HPSE2: variants seen among roughly 807,000 people sequenced by gnomAD.
HPSE2 encodes the protein heparanase 2 (inactive).
HPSE2 carries 38 observed loss-of-function variants against 60.5 expected under a neutral mutation model. The ratio of observed to expected loss-of-function variants is 0.63; its 90% CI spans 0.48 to 0.82. The LOEUF is 0.82. HPSE2 is among the 40% of genes least tolerant of loss of function. The pLI is 0.00. For missense variants in HPSE2, 713 were observed against 740.4 expected, an observed-to-expected ratio of 0.96 and a Z score of 0.43; for synonymous variants, 295 against 293.2, an observed-to-expected ratio of 1.01 and a Z score of -0.06.
chr10:98,640,994 TCA>T (rs910883025), intron 7 of HPSE2, among the ~76,000 whole-genome samples: 1 of 152,186 alleles, frequency 6.6e-6, no homozygotes, highest in Non-Finnish European at 1.5e-5. Flanking sequence ...AGTCTGAGAA[TCA>T]CTGACCAAAG....
intron 3 of HPSE2, among the ~76,000 whole-genome samples, chr10:98,815,248 C>A (rs897881229): frequency 1.3e-5 from 2 of 152,192 alleles, no homozygotes; most frequent in African/African-American, 4.8e-5. Context: ...CACCACTGCA[C>A]TCCAGCCTGG....
intron 4 of HPSE2, among the ~76,000 whole-genome samples, chr10:98,724,533 T>A (rs563101315): frequency 1.3e-5 from 2 of 152,284 alleles, no homozygotes; most frequent in South Asian, 4.1e-4. Flanking sequence ...TAACTTTCTG[T>A]CTTCGTTGAT....
intron 3 of HPSE2, among the ~76,000 whole-genome samples, chr10:98,911,422 G>A (rs1953975686): frequency 1.3e-5 from 2 of 152,174 alleles, no homozygotes. Context: ...CTGTGGGAAA[G>A]CCTCACAAAG....
At chr10:99,144,828 G>C (rs1396582210) in intron 2 of HPSE2, among the ~76,000 whole-genome samples, 1 of 152,154 alleles carries the variant, frequency 6.6e-6, no homozygotes, top group Non-Finnish European at 1.5e-5. Context: ...GCTCCAGCAT[G>C]TGTATTTAGG....
At chr10:98,483,607 A>AGG (rs1941329590) in intron 10 of HPSE2, among the ~76,000 whole-genome samples, 1 of 152,148 alleles carries the variant, frequency 6.6e-6, no homozygotes, top group Non-Finnish European at 1.5e-5. Flanking sequence ...TTCCTGCCCT[A>AGG]CTAAGTGATC....
chr10:98,835,828 A>G (rs370835692), intron 3 of HPSE2, among the ~76,000 whole-genome samples: 1 of 152,176 alleles, frequency 6.6e-6, no homozygotes, highest in Non-Finnish European at 1.5e-5. Context: ...GGGTCCTCAC[A>G]CCTTTTCTTT....
chr10:99,035,100 C>A (rs1957581136), intron 3 of HPSE2, among the ~76,000 whole-genome samples: 1 of 152,092 alleles, frequency 6.6e-6, no homozygotes, highest in African/African-American at 2.4e-5. Flanking sequence ...TAAAGTATTT[C>A]TCTCTTCAAT....
At chr10:99,246,584 T>C in the HPSE2 span, among the ~76,000 whole-genome samples, 1 of 152,022 alleles carries the variant, frequency 6.6e-6, no homozygotes, top group African/African-American at 2.4e-5. Context: ...CCGTCTCTAC[T>C]AAAATACAAA....
chr10:98,619,484 T>G (rs553152139), intron 8 of HPSE2, among the ~76,000 whole-genome samples: 4 of 152,278 alleles, frequency 2.6e-5, no homozygotes, highest in African/African-American at 9.6e-5. Flanking sequence ...CTCCAGATTT[T>G]TTTTCTCTCT....
chr10:99,058,359 T>C (rs1958160537), intron 3 of HPSE2, among the ~76,000 whole-genome samples: 1 of 152,230 alleles, frequency 6.6e-6, no homozygotes, highest in African/African-American at 2.4e-5. Context: ...TCCTCCAAAC[T>C]GAGCCTCTAG....
At chr10:99,057,822 T>C (rs1289474100) in intron 3 of HPSE2, among the ~76,000 whole-genome samples, 1 of 152,230 alleles carries the variant, frequency 6.6e-6, no homozygotes, top group South Asian at 2.1e-4. Context: ...TCTCATGCTA[T>C]CCTTTCCCGC....
the HPSE2 span, among the ~76,000 whole-genome samples, chr10:99,244,032 A>T: frequency 1.6e-3 from 250 of 152,220 alleles, 2 homozygotes; most frequent in African/African-American, 5.7e-3. Flanking sequence ...ACTCCAAAAA[A>T]CTGACTAGCT....
the HPSE2 span, among the ~76,000 whole-genome samples, chr10:99,308,398 G>GAAAAAAAAAAAAAAAA: frequency 5.3e-5 from 3 of 56,462 alleles, no homozygotes; most frequent in Admixed American, 1.5e-4. Context: ...AAAAAAAAAG[G>GAAAAAAAAAAAAAAAA]AAACCATCAA....
chr10:99,072,333 C>A (rs1209769032), intron 3 of HPSE2, among the ~76,000 whole-genome samples: 1 of 118,450 alleles, frequency 8.4e-6, no homozygotes. Context: ...TTTTGCACAG[C>A]AAAAGAAACT....
At chr10:99,145,451 G>C (rs1280061478) in intron 2 of HPSE2, among the ~76,000 whole-genome samples, 4 of 148,480 alleles carry the variant, frequency 2.7e-5, no homozygotes, top group Admixed American at 1.3e-4. Flanking sequence ...GGGAGACTCT[G>C]TCTTAAAAAA....
intron 4 of HPSE2, among the ~76,000 whole-genome samples, chr10:98,736,212 G>GGT (rs1554981130): frequency 4.2e-5 from 2 of 47,296 alleles, no homozygotes; most frequent in Non-Finnish European, 1.3e-4. Flanking sequence ...CCTTTTGCTT[G>GGT]GTTTTTTTTT....
At chr10:99,152,902 C>T (rs935405534) in intron 2 of HPSE2, among the ~76,000 whole-genome samples, 6 of 152,320 alleles carry the variant, frequency 3.9e-5, no homozygotes, top group South Asian at 2.1e-4. Context: ...GCGCATCGTG[C>T]GCGAGCCGAA....
chr10:99,114,091 C>CA (rs34943675), intron 3 of HPSE2, among the ~76,000 whole-genome samples: 68,085 of 152,090 alleles, frequency 0.45, 18,643 homozygotes, highest in Non-Finnish European at 0.61. Context: ...GAAAAATTTC[C>CA]ACTCCAATCT....
chr10:99,016,533 T>A (rs866489424), intron 3 of HPSE2, among the ~76,000 whole-genome samples: 2 of 152,112 alleles, frequency 1.3e-5, no homozygotes, highest in South Asian at 2.1e-4. Context: ...TCCATATGAA[T>A]TTTAAAATAG....
Sources: gnomAD v4.1 joint callset for allele counts (sites outside exome capture counted in the v4.1 genomes callset) on GRCh38, gnomAD v4.1.1 for gene constraint, MANE v1.5 for transcripts, NCBI Gene and HGNC (gene_info 2026-07-23, HGNC 2026-07-21) for gene names.